ZFHX3: variants seen among roughly 807,000 people sequenced by gnomAD.
ZFHX3 encodes zinc finger homeobox protein 3.
In ZFHX3, 42 loss-of-function variants were observed where a neutral mutation model predicts 279.1. The ratio of observed to expected loss-of-function variants is 0.15; its 90% CI spans 0.12 to 0.19. ZFHX3 has a LOEUF of 0.19. ZFHX3 is among the 10% of genes least tolerant of loss of function. ZFHX3 has a pLI of 1.00. For synonymous variants in ZFHX3, 2,293 were observed against 1,957.8 expected (o/e 1.17, Z -4.52); for missense variants, 4,981 against 4,754.0 (o/e 1.05, Z -1.40).
At chr16:72,971,963 G>A (rs1962126542) in intron 1 of ZFHX3, among the ~76,000 whole-genome samples, 2 of 138,794 alleles carry the variant, frequency 1.4e-5, no homozygotes, top group African/African-American at 5.5e-5. Flanking sequence ...TCAGCTCACT[G>A]CAACCTCCAC....
chr16:72,910,211 A>G lies in ZFHX3; in HGVS notation c.3217-20249T>C, dbSNP rs1201795944. 2.0e-5 allele frequency among the ~76,000 whole-genome samples: 3 copies of G among 152,210 alleles called. No individual in the cohort carries two copies. In the East Asian group the frequency reaches 5.8e-4, roughly 29 times the overall value. ...GACGCCACTTTGAACGAACCTAGTGATGGAATTACTAACAACAACAAAAAT... is the reference window on the plus strand; with the variant it reads ...GACGCCACTTTGAACGAACCTAGTGGTGGAATTACTAACAACAACAAAAAT... On this transcript the variant is annotated intron_variant, in intron 3 of 9. Coordinates refer to ENST00000268489, the MANE Select transcript of ZFHX3 (RefSeq NM_006885.4).
chr16:72,891,938 C>T (rs1257639394), intron 3 of ZFHX3, among the ~76,000 whole-genome samples: 1 of 152,190 alleles, frequency 6.6e-6, no homozygotes, highest in Non-Finnish European at 1.5e-5. Flanking sequence ...TCTAGTCCTG[C>T]TTGGATGTCT....
intron 7 of ZFHX3, among the ~76,000 whole-genome samples, chr16:73,107,937 G>A (rs982909830): frequency 3.3e-5 from 5 of 152,106 alleles, no homozygotes; most frequent in Non-Finnish European, 7.4e-5. Flanking sequence ...TGAGGCGGGC[G>A]GATCACGAGG....
intron 1 of ZFHX3, among the ~76,000 whole-genome samples, chr16:73,742,220 AAC>A: frequency 6.6e-6 from 1 of 152,228 alleles, no homozygotes; most frequent in Non-Finnish European, 1.5e-5. Flanking sequence ...TCTGAACACA[AAC>A]ACATTACTTT....
chr16:73,739,799 G>A (rs1336310312), intron 1 of ZFHX3, among the ~76,000 whole-genome samples: 1 of 152,152 alleles, frequency 6.6e-6, no homozygotes, highest in Non-Finnish European at 1.5e-5. Flanking sequence ...CCCAGGGAGG[G>A]GCTCTCACTC....
At chr16:73,332,331 G>C (rs2015820793) in intron 3 of ZFHX3, among the ~76,000 whole-genome samples, 1 of 152,162 alleles carries the variant, frequency 6.6e-6, no homozygotes, top group Non-Finnish European at 1.5e-5. Context: ...AACCTAACCT[G>C]TGTTTGTGAG....
chr16:73,296,940 G>T (rs1006531129), intron 4 of ZFHX3, among the ~76,000 whole-genome samples: 2 of 144,120 alleles, frequency 1.4e-5, no homozygotes, highest in Admixed American at 7.2e-5. Context: ...GTTCAGTGGC[G>T]CTATCTCGGC....
At chr16:72,947,290 C>T (rs2144375149) in intron 3 of ZFHX3, among the ~76,000 whole-genome samples, 1 of 151,808 alleles carries the variant, frequency 6.6e-6, no homozygotes, top group Admixed American at 6.6e-5. Flanking sequence ...ATTAGTATCA[C>T]ACAAAAATCA....
chr16:72,975,055 C>T (rs1403598405), intron 1 of ZFHX3, among the ~76,000 whole-genome samples: 1 of 152,152 alleles, frequency 6.6e-6, no homozygotes, highest in African/African-American at 2.4e-5. Context: ...AGAACTACCA[C>T]CAGGACGCAA....
intron 3 of ZFHX3, among the ~76,000 whole-genome samples, chr16:72,932,400 C>T (rs1959864382): frequency 2.6e-5 from 4 of 152,020 alleles, no homozygotes; most frequent in Admixed American, 2.6e-4. Context: ...TTCTAATTTT[C>T]CTGAGTACTT....
At chr16:73,594,517 T>C (rs1220378275) in intron 2 of ZFHX3, among the ~76,000 whole-genome samples, 1 of 152,232 alleles carries the variant, frequency 6.6e-6, no homozygotes, top group Non-Finnish European at 1.5e-5. Context: ...ATAAGACTTA[T>C]CTTGCCAGAA....
intron 4 of ZFHX3, among the ~76,000 whole-genome samples, chr16:73,277,057 T>A (rs1286611843): frequency 6.6e-6 from 1 of 152,194 alleles, no homozygotes; most frequent in Non-Finnish European, 1.5e-5. Flanking sequence ...GTATCCTGAG[T>A]TATTTTCATT....
rs142316393 is a variant in ZFHX3, at chr16:72,796,349, C to T, written c.6333G>A (p.Pro2111=). ...GTCCCAGCTGCGGGGGTAGCTGAGCCGGCAAGGTCTGCAGCGGCATCGTCT... is the reference window on the plus strand; with the variant it reads ...GTCCCAGCTGCGGGGGTAGCTGAGCTGGCAAGGTCTGCAGCGGCATCGTCT... ...MMQTMPLQTL[P]AQLPPQLGPV... The change falls in exon 9 of 10, where the codon CCG becomes CCA. Residue 2111 remains proline (P), a synonymous_variant. Transcript: ENST00000268489. 0.018 allele frequency: 29,268 copies of T among 1,613,962 alleles called. 320 individuals are homozygous for T. Among genetic ancestry groups the T allele is most frequent in the South Asian group, 0.029 (2,653 of 91,066 alleles).
chr16:73,811,277 C>T (rs1960416813), intron 1 of ZFHX3, among the ~76,000 whole-genome samples: 2 of 152,260 alleles, frequency 1.3e-5, no homozygotes, highest in South Asian at 4.1e-4. Context: ...TTTCAGACAT[C>T]TGTATCTACC....
At chr16:73,352,971 G>C (rs2016275110) in intron 3 of ZFHX3, among the ~76,000 whole-genome samples, 1 of 152,110 alleles carries the variant, frequency 6.6e-6, no homozygotes, top group African/African-American at 2.4e-5. Context: ...CATGGTCCAG[G>C]GGTAGAGAGT....
chr16:73,539,178 G>T (rs1429234126), intron 2 of ZFHX3, among the ~76,000 whole-genome samples: 1 of 151,664 alleles, frequency 6.6e-6, no homozygotes, highest in African/African-American at 2.4e-5. Context: ...TTGAACAAGG[G>T]TATCTATGGG....
chr16:73,319,474 C>T (rs758022253), intron 3 of ZFHX3, among the ~76,000 whole-genome samples: 12 of 151,920 alleles, frequency 7.9e-5, no homozygotes, highest in Admixed American at 5.9e-4. Flanking sequence ...GGCTTCCGAG[C>T]GTTGTTGAGG....
chr16:73,292,324 C>G (rs1260365909), intron 4 of ZFHX3, among the ~76,000 whole-genome samples: 1 of 152,058 alleles, frequency 6.6e-6, no homozygotes, highest in East Asian at 1.9e-4. Flanking sequence ...TAGGATGTCT[C>G]AGGCCTGAAG....
intron 5 of ZFHX3, among the ~76,000 whole-genome samples, chr16:73,225,746 C>G (rs1349581054): frequency 6.6e-6 from 1 of 152,164 alleles, no homozygotes; most frequent in Non-Finnish European, 1.5e-5. Context: ...TGCATAGTAT[C>G]ATCTGAACAC....
Sources: gnomAD v4.1 joint callset for allele counts (sites outside exome capture counted in the v4.1 genomes callset) on GRCh38, gnomAD v4.1.1 for gene constraint, MANE v1.5 for transcripts, NCBI Gene and HGNC (gene_info 2026-07-23, HGNC 2026-07-21) for gene names.